The following SDK1 variants were observed in gnomAD, a reference collection of about 807,000 sequenced individuals.
The protein encoded by SDK1 is sidekick cell adhesion molecule 1.
A neutral mutation model predicts 245.5 loss-of-function variants in SDK1; 157 were observed. That is an observed-to-expected ratio of 0.64 (90% CI 0.56 to 0.73). SDK1 has a LOEUF of 0.73. Among genes scored for constraint, SDK1 ranks in the 30% least tolerant of loss-of-function variants. SDK1 has a pLI of 0.00. For synonymous variants in SDK1, 1,647 were observed against 1,278.5 expected (o/e 1.29, Z -6.15); for missense variants, 3,583 against 3,002.3 (o/e 1.19, Z -4.52).
intron 32 of SDK1, among the ~76,000 whole-genome samples, chr7:4,164,530 A>G (rs543243310): frequency 1.3e-5 from 2 of 152,374 alleles, no homozygotes; most frequent in East Asian, 1.9e-4. Flanking sequence ...GTCAATCACA[A>G]GAACATTGGC....
chr7:4,151,273 C>T lies in SDK1; in HGVS notation c.4625+1810C>T, dbSNP rs111706966. ...GTGCACAGCTCCAGCTCTCTGTGGC[C>T]CCAGAGGACCCACCCTGGCACAGTC... On this transcript the variant is annotated intron_variant, in intron 30 of 44. Coordinates refer to ENST00000404826, the MANE Select transcript of SDK1 (RefSeq NM_152744.4). Among the ~76,000 whole-genome samples the T allele has an allele frequency of 5.6e-4, 86 of 152,228 alleles. 1 individual carries two copies. The highest frequency in any genetic ancestry group is 2.0e-3 in the African/African-American group (82 of 41,544).
intron 5 of SDK1, among the ~76,000 whole-genome samples, chr7:3,881,666 A>G (rs2128099592): frequency 6.6e-6 from 1 of 152,294 alleles, no homozygotes; most frequent in South Asian, 2.1e-4. Context: ...CTGCTTCTAG[A>G]TCTTTCAGGA....
chr7:3,662,425 G>A (rs912161146), intron 4 of SDK1, among the ~76,000 whole-genome samples: 1 of 152,142 alleles, frequency 6.6e-6, no homozygotes, highest in Non-Finnish European at 1.5e-5. Context: ...TGATACATTA[G>A]TCCTGAAAGT....
At chr7:3,843,453 G>T (rs371675925) in intron 5 of SDK1, among the ~76,000 whole-genome samples, 241 of 152,274 alleles carry the variant, frequency 1.6e-3, no homozygotes, top group African/African-American at 5.4e-3. Flanking sequence ...CCTATCACCC[G>T]CAAAATAGGA....
At chr7:4,080,005 C>T (rs2128178719) in intron 22 of SDK1, among the ~76,000 whole-genome samples, 1 of 152,286 alleles carries the variant, frequency 6.6e-6, no homozygotes, top group African/African-American at 2.4e-5. Flanking sequence ...TATCAGCAGG[C>T]ACTATTCTGA....
chr7:3,894,837 C>G (rs1431584697), intron 5 of SDK1, among the ~76,000 whole-genome samples: 1 of 151,636 alleles, frequency 6.6e-6, no homozygotes, highest in Non-Finnish European at 1.5e-5. Flanking sequence ...GCTGGTGGCA[C>G]GTGCCACCAT....
chr7:3,975,016 T>G (rs1409106359), intron 13 of SDK1, among the ~76,000 whole-genome samples: 1 of 151,420 alleles, frequency 6.6e-6, no homozygotes, highest in African/African-American at 2.5e-5. Context: ...AATAGATACT[T>G]TAAGTTAAGT....
At chr7:3,492,330 TA>T (rs1781887303) in intron 1 of SDK1, among the ~76,000 whole-genome samples, 1 of 152,054 alleles carries the variant, frequency 6.6e-6, no homozygotes, top group Non-Finnish European at 1.5e-5. Context: ...CCGTCTCTAC[TA>T]AAAATAGAAA....
chr7:3,347,889 TATG>T (rs1780550468), intron 1 of SDK1, among the ~76,000 whole-genome samples: 1 of 95,804 alleles, frequency 1.0e-5, no homozygotes, highest in South Asian at 2.9e-4. Flanking sequence ...ACACATTAAA[TATG>T]TTTTTTTTTT....
At chr7:3,313,320 T>C (rs1583668995) in intron 1 of SDK1, among the ~76,000 whole-genome samples, 1 of 152,278 alleles carries the variant, frequency 6.6e-6, no homozygotes, top group Non-Finnish European at 1.5e-5. Flanking sequence ...AGCAGGACAA[T>C]TGCTTGAACC....
intron 4 of SDK1, among the ~76,000 whole-genome samples, chr7:3,774,457 A>G (rs1423339272): frequency 6.6e-6 from 1 of 152,220 alleles, no homozygotes; most frequent in African/African-American, 2.4e-5. Flanking sequence ...CTCCAGGAAC[A>G]TGTGCACAGC....
chr7:3,644,773 C>CAAAAAAAAAAAAAAAAAAA (rs34276127), intron 4 of SDK1, among the ~76,000 whole-genome samples: 11 of 40,010 alleles, frequency 2.7e-4, no homozygotes, highest in Non-Finnish European at 3.6e-4. Context: ...ACCCTGTCTC[C>CAAAAAAAAAAAAAAAAAAA]AAAAAAAAAA....
intron 22 of SDK1, among the ~76,000 whole-genome samples, chr7:4,103,714 C>T (rs1345792948): frequency 6.6e-6 from 1 of 152,208 alleles, no homozygotes; most frequent in Non-Finnish European, 1.5e-5. Context: ...TGCAGGGATG[C>T]GTGAGACCCT....
Position 3,435,517 on chromosome 7 carries a change from GATT to G in SDK1, c.298+133649_298+133651del, listed in dbSNP as rs144741150. On this transcript the variant is annotated intron_variant, in intron 1 of 44. Coordinates refer to ENST00000404826, the MANE Select transcript of SDK1 (RefSeq NM_152744.4). ...AGCTAATTATTATGATTATGATTAT[GATT>G]ATTATTATTATTATTTTGTATTTTA... 7.5e-4 allele frequency among the ~76,000 whole-genome samples: 112 copies of G among 149,986 alleles called. 1 individual carries two copies. Among genetic ancestry groups the G allele is most frequent in the African/African-American group, 2.5e-3 (103 of 40,776 alleles).
intron 28 of SDK1, among the ~76,000 whole-genome samples, chr7:4,133,138 T>A (rs904514272): frequency 1.3e-5 from 2 of 152,154 alleles, no homozygotes; most frequent in Non-Finnish European, 2.9e-5. Flanking sequence ...TTGCACCCAA[T>A]CCTTGTAAGA....
rs1450544376 is a variant in SDK1, at chr7:3,753,131, C to A, written c.714-68319C>A. On this transcript the variant is annotated intron_variant, in intron 4 of 44. Coordinates refer to ENST00000404826, the MANE Select transcript of SDK1 (RefSeq NM_152744.4). Reference sequence around the variant, plus strand: ...TCAAAAATTGAGAGAACTAGGATGGCGGCAATATTTTCAGGAATGGTCATT... The same window carrying A: ...TCAAAAATTGAGAGAACTAGGATGGAGGCAATATTTTCAGGAATGGTCATT... Among the ~76,000 whole-genome samples, 4 of 152,064 alleles carry A rather than the reference C, an allele frequency of 2.6e-5. 1 individual carries two copies. The highest frequency in any genetic ancestry group is 2.6e-4 in the Admixed American group (4 of 15,268).
intron 4 of SDK1, among the ~76,000 whole-genome samples, chr7:3,707,590 C>T (rs1313774521): frequency 6.6e-6 from 1 of 152,096 alleles, no homozygotes; most frequent in African/African-American, 2.4e-5. Flanking sequence ...AGTTTAAGTC[C>T]ATTGTTTGTT....
At chr7:4,016,483 A>G (rs1262880626) in intron 16 of SDK1, among the ~76,000 whole-genome samples, 1 of 152,264 alleles carries the variant, frequency 6.6e-6, no homozygotes, top group Non-Finnish European at 1.5e-5. Context: ...ATCTTCTCAC[A>G]GTACACACAG....
At position 3,833,809 on chromosome 7, in the gene SDK1, C is replaced by T. The variant is rs1042407332; in HGVS notation, c.847+12226C>T. ...TTTTACTTACAGTGTTTGTAAAAAC[C>T]ATGACAGCATGTTCTTGATGAAAAT... is the stretch of plus-strand genomic sequence containing the variant. On this transcript the variant is annotated intron_variant, in intron 5 of 44. Transcript: ENST00000404826. Among the ~76,000 whole-genome samples the T allele has an allele frequency of 2.6e-5, 4 of 152,148 alleles. 1 individual carries two copies. Among genetic ancestry groups the T allele is most frequent in the Admixed American group, 2.6e-4 (4 of 15,268 alleles).
Sources: gnomAD v4.1 joint callset for allele counts (sites outside exome capture counted in the v4.1 genomes callset) on GRCh38, gnomAD v4.1.1 for gene constraint, MANE v1.5 for transcripts, NCBI Gene and HGNC (gene_info 2026-07-23, HGNC 2026-07-21) for gene names.